Variants in AOAH observed in about 807,000 individuals in gnomAD.
The protein encoded by AOAH is acyloxyacyl hydrolase.
Under a neutral mutation model 92.2 loss-of-function variants are expected in AOAH, and 64 were observed. The ratio of observed to expected loss-of-function variants is 0.69; its 90% CI spans 0.57 to 0.86. The LOEUF is 0.86. Ranked by LOEUF, AOAH falls within the 40% of genes least tolerant of loss-of-function variation. The pLI is 0.00. For synonymous variants in AOAH, 263 were observed against 254.5 expected, an observed-to-expected ratio of 1.03 and a Z score of -0.32; for missense variants, 656 against 694.6, an observed-to-expected ratio of 0.94 and a Z score of 0.62.
At chr7:36,669,308 C>T (rs1435904445) in intron 3 of AOAH, among the ~76,000 whole-genome samples, 1 of 150,424 alleles carries the variant, frequency 6.6e-6, no homozygotes, top group Non-Finnish European at 1.5e-5. Flanking sequence ...TTATAGTGTA[C>T]TAGAATTTAA....
intron 1 of AOAH, among the ~76,000 whole-genome samples, chr7:36,694,305 T>C (rs1797578921): frequency 6.6e-6 from 1 of 152,180 alleles, no homozygotes; most frequent in Non-Finnish European, 1.5e-5. Context: ...GAGACCAGCC[T>C]GCCCAACATG....
At chr7:36,549,006 G>A (rs1465179239) in intron 14 of AOAH, among the ~76,000 whole-genome samples, 2 of 152,154 alleles carry the variant, frequency 1.3e-5, no homozygotes, top group Admixed American at 6.6e-5. Flanking sequence ...AAGCACAGGC[G>A]AGTTATTGGG....
chr7:36,711,533 G>A (rs989126463), intron 1 of AOAH, among the ~76,000 whole-genome samples: 1 of 152,080 alleles, frequency 6.6e-6, no homozygotes, highest in Non-Finnish European at 1.5e-5. Context: ...GAAAGAGAGA[G>A]GCAGACAGGT....
At position 36,722,731 on chromosome 7, in the gene AOAH, G is replaced by A. The variant is rs1357943430; in HGVS notation, c.127+1291C>T. ...GGGCGGATCACGAGGTCAGGAGTTC[G>A]AGACCAGTGTGGCCAACATAGGGAA... On this transcript the variant is annotated intron_variant, in intron 1 of 20. Coordinates refer to ENST00000617537, the MANE Select transcript of AOAH (RefSeq NM_001637.4). Among the ~76,000 whole-genome samples the A allele has an allele frequency of 4.6e-5, 7 of 151,738 alleles. No homozygotes were observed. The East Asian group carries it at 5.8e-4, about 13-fold the overall frequency.
chr7:36,673,358 T>G (rs1402632078), intron 3 of AOAH, among the ~76,000 whole-genome samples: 4 of 151,902 alleles, frequency 2.6e-5, no homozygotes, highest in Admixed American at 2.6e-4. Flanking sequence ...GCCAACATGG[T>G]GAAACCCCAT....
chr7:36,694,613 T>C (rs1467342820), intron 1 of AOAH, among the ~76,000 whole-genome samples: 2 of 152,148 alleles, frequency 1.3e-5, no homozygotes, highest in East Asian at 3.8e-4. Context: ...TTTATATACA[T>C]TTTTGTCTAA....
chr7:36,524,996 C>G (rs958885136), intron 19 of AOAH, among the ~76,000 whole-genome samples: 5 of 152,210 alleles, frequency 3.3e-5, no homozygotes, highest in African/African-American at 1.2e-4. Flanking sequence ...TGAGCCTCAT[C>G]AAGACTTCAG....
At chr7:36,644,992 C>T (rs1338343441) in intron 4 of AOAH, among the ~76,000 whole-genome samples, 2 of 152,174 alleles carry the variant, frequency 1.3e-5, no homozygotes, top group Admixed American at 6.5e-5. Context: ...TTGTTCCTCA[C>T]ACCCAAATTC....
chr7:36,653,157 CAT>C (rs566090831), intron 4 of AOAH, among the ~76,000 whole-genome samples: 4 of 152,116 alleles, frequency 2.6e-5, no homozygotes, highest in Non-Finnish European at 4.4e-5. Context: ...GACAATAACA[CAT>C]GTGACAGTGT....
chr7:36,674,564 A>G (rs553640953), intron 2 of AOAH, among the ~76,000 whole-genome samples: 37 of 152,308 alleles, frequency 2.4e-4, no homozygotes, highest in African/African-American at 7.5e-4. Flanking sequence ...CCTACTAACA[A>G]CATAATCTCC....
chr7:36,712,018 T>G (rs927729245), intron 1 of AOAH, among the ~76,000 whole-genome samples: 1 of 152,214 alleles, frequency 6.6e-6, no homozygotes, highest in Non-Finnish European at 1.5e-5. Flanking sequence ...AATGGCAAGA[T>G]GAAATGTTTT....
intron 8 of AOAH, among the ~76,000 whole-genome samples, chr7:36,621,325 G>T (rs376349110): frequency 6.6e-6 from 1 of 152,166 alleles, no homozygotes; most frequent in Non-Finnish European, 1.5e-5. Flanking sequence ...CCTTACTCCC[G>T]GAGGGAGAGG....
intron 13 of AOAH, among the ~76,000 whole-genome samples, chr7:36,558,906 C>T (rs1787033743): frequency 6.6e-6 from 1 of 152,290 alleles, no homozygotes; most frequent in African/African-American, 2.4e-5. Context: ...GGAAAGGGAA[C>T]TCCTTGACCC....
chr7:36,574,112 C>T (rs994153640), intron 13 of AOAH, among the ~76,000 whole-genome samples: 5 of 152,022 alleles, frequency 3.3e-5, no homozygotes, highest in African/African-American at 9.7e-5. Flanking sequence ...AAAACCAGAA[C>T]ATTAAATAAT....
chr7:36,682,328 CAGA>C (rs1261099945), intron 2 of AOAH, among the ~76,000 whole-genome samples: 5 of 152,288 alleles, frequency 3.3e-5, no homozygotes, highest in East Asian at 1.9e-4. Context: ...CCCAAAACAA[CAGA>C]AGAAGGAGCT....
chr7:36,623,759 C>T (rs183701841), intron 6 of AOAH, among the ~76,000 whole-genome samples: 8 of 152,262 alleles, frequency 5.3e-5, no homozygotes, highest in South Asian at 4.1e-4. Flanking sequence ...GATGTGATGA[C>T]GAAATAAATT....
intron 4 of AOAH, among the ~76,000 whole-genome samples, chr7:36,655,085 A>C (rs757784957): frequency 6.6e-6 from 1 of 152,190 alleles, no homozygotes; most frequent in Non-Finnish European, 1.5e-5. Flanking sequence ...GGAGAGAACA[A>C]AGACAGACAG....
At chr7:36,673,066 G>A (rs1584085217) in intron 3 of AOAH, among the ~76,000 whole-genome samples, 1 of 152,296 alleles carries the variant, frequency 6.6e-6, no homozygotes, top group Non-Finnish European at 1.5e-5. Context: ...TAGGAGCAGA[G>A]AAAGTTATGG....
At chr7:36,574,270 C>T (rs955699811) in intron 13 of AOAH, among the ~76,000 whole-genome samples, 4 of 152,172 alleles carry the variant, frequency 2.6e-5, no homozygotes, top group Admixed American at 2.0e-4. Flanking sequence ...CCCTATTCCC[C>T]GGCATCTATT....
Sources: gnomAD v4.1 joint callset for allele counts (sites outside exome capture counted in the v4.1 genomes callset) on GRCh38, gnomAD v4.1.1 for gene constraint, MANE v1.5 for transcripts, NCBI Gene and HGNC (gene_info 2026-07-23, HGNC 2026-07-21) for gene names.